TRIQK: variants seen among roughly 807,000 people sequenced by gnomAD.
TRIQK encodes the protein triple QxxK/R motif-containing protein.
Under a neutral mutation model 10.8 loss-of-function variants are expected in TRIQK, and 10 were observed. That is an observed-to-expected ratio of 0.92 (90% confidence interval 0.57 to 1.57). TRIQK has a LOEUF of 1.57. TRIQK is among the 40% of genes most tolerant of loss of function. TRIQK has a pLI of 0.00. For missense variants in TRIQK, 107 were observed against 97.7 expected (o/e 1.09, Z -0.40); for synonymous variants, 33 against 33.7 (o/e 0.98, Z 0.07).
rs749450819 is a variant in TRIQK, at chr8:92,885,026, G to A, written c.*1596C>T. The A allele has an allele frequency of 1.3e-5, 6 of 455,880 alleles. No homozygotes were observed. Among genetic ancestry groups the A allele is most frequent in the South Asian group, 9.3e-5 (6 of 64,534 alleles). 28.2% of individuals were successfully genotyped at this position (455,880 alleles called of 1,614,324 possible). On this transcript the variant is annotated 3_prime_UTR_variant, in exon 5 of 5. Coordinates refer to ENST00000521988, the MANE Select transcript of TRIQK (RefSeq NM_001171797.2). ...AATGCCACTTGGATTGGTCCGCTGT[G>A]GTGAGTATATAAGAACTCTTGGTCT...
chr8:92,966,202 C>T (rs1812742390), upstream of TRIQK: 1 of 152,302 alleles, frequency 6.6e-6, no homozygotes, highest in Non-Finnish European at 1.5e-5. Context: ...GATTGGTCGG[C>T]CTTTCTCCCG....
intron 1 of TRIQK, among the ~76,000 whole-genome samples, chr8:92,990,895 G>A (rs1015259122): frequency 7.9e-5 from 12 of 152,242 alleles, no homozygotes; most frequent in African/African-American, 2.9e-4. Flanking sequence ...GAATGACAGC[G>A]AGACAGAACC....
At chr8:92,890,228 C>T (rs1399816666) in intron 4 of TRIQK, among the ~76,000 whole-genome samples, 2 of 151,632 alleles carry the variant, frequency 1.3e-5, no homozygotes, top group Non-Finnish European at 3.0e-5. Flanking sequence ...TGTAAAACAC[C>T]TTCAAGGTTC....
chr8:92,953,087 C>T (rs1811992942), intron 2 of TRIQK, among the ~76,000 whole-genome samples: 1 of 152,018 alleles, frequency 6.6e-6, no homozygotes, highest in South Asian at 2.1e-4. Context: ...ATAAGTACAA[C>T]ATAGTCTGAT....
chr8:92,966,340 G>GTTTA (rs550565974), upstream of TRIQK, among the ~76,000 whole-genome samples: 14 of 152,298 alleles, frequency 9.2e-5, no homozygotes, highest in African/African-American at 3.1e-4. Flanking sequence ...ACTGTGACTT[G>GTTTA]TTTAGTTAAT....
At chr8:92,988,763 C>A (rs924371305) in intron 1 of TRIQK, among the ~76,000 whole-genome samples, 1 of 152,104 alleles carries the variant, frequency 6.6e-6, no homozygotes, top group African/African-American at 2.4e-5. Context: ...TAACAATTAG[C>A]AAATTTTGTT....
intron 4 of TRIQK, among the ~76,000 whole-genome samples, chr8:92,887,224 T>C (rs1816530427): frequency 6.6e-6 from 1 of 151,458 alleles, no homozygotes; most frequent in Admixed American, 6.6e-5. Context: ...GTCTCTAGAT[T>C]ATATATAGAT....
chr8:92,943,375 G>A (rs566592544), intron 2 of TRIQK, among the ~76,000 whole-genome samples: 1 of 152,122 alleles, frequency 6.6e-6, no homozygotes, highest in South Asian at 2.1e-4. Context: ...AAGCAATTTT[G>A]AGCAAAAAAG....
At chr8:92,956,963 A>G (rs1261654416) in intron 1 of TRIQK, among the ~76,000 whole-genome samples, 1 of 151,872 alleles carries the variant, frequency 6.6e-6, no homozygotes, top group Non-Finnish European at 1.5e-5. Context: ...TGGTAAGCAC[A>G]TCACATACCA....
At chr8:92,963,379 T>C (rs1462513332) in intron 1 of TRIQK, 4 of 151,466 alleles carry the variant, frequency 2.6e-5, no homozygotes, top group East Asian at 1.9e-4. Context: ...TATATGAATA[T>C]AGAAATCAGG....
intron 3 of TRIQK, among the ~76,000 whole-genome samples, chr8:92,895,673 A>T (rs1482961807): frequency 6.6e-6 from 1 of 152,168 alleles, no homozygotes; most frequent in Non-Finnish European, 1.5e-5. Flanking sequence ...CTTGTTATAA[A>T]TTGGCAAAGA....
At chr8:92,961,944 CA>C (rs1283411688) in intron 1 of TRIQK, among the ~76,000 whole-genome samples, 1 of 152,050 alleles carries the variant, frequency 6.6e-6, no homozygotes, top group East Asian at 1.9e-4. Flanking sequence ...CCTTTTGAGT[CA>C]AAAAAACTGT....
chr8:92,991,062 T>TG (rs1190044161), intron 1 of TRIQK, among the ~76,000 whole-genome samples: 1 of 151,852 alleles, frequency 6.6e-6, no homozygotes, highest in African/African-American at 2.4e-5. Context: ...TCTGGCTTGG[T>TG]GGGGGGAGGG....
At chr8:92,901,455 A>C (rs1489676322) in intron 3 of TRIQK, among the ~76,000 whole-genome samples, 1 of 152,112 alleles carries the variant, frequency 6.6e-6, no homozygotes, top group African/African-American at 2.4e-5. Flanking sequence ...TTTTATCATG[A>C]AGGATGTTAA....
chr8:92,902,334 T>G (rs1045770961), intron 3 of TRIQK, among the ~76,000 whole-genome samples: 4 of 152,282 alleles, frequency 2.6e-5, no homozygotes, highest in Admixed American at 2.0e-4. Flanking sequence ...AGTTCTTCCC[T>G]GTGTGGCTTT....
intron 3 of TRIQK, among the ~76,000 whole-genome samples, chr8:92,896,006 G>A (rs979033014): frequency 6.6e-6 from 1 of 152,258 alleles, no homozygotes; most frequent in Admixed American, 6.5e-5. Context: ...GAGAGAAGGG[G>A]ACCAGGTGCT....
At chr8:92,943,648 T>TC (rs1275416180) in intron 2 of TRIQK, among the ~76,000 whole-genome samples, 2 of 152,174 alleles carry the variant, frequency 1.3e-5, no homozygotes, top group African/African-American at 4.8e-5. Flanking sequence ...TAGATTCCTG[T>TC]CTCTTGCTAT....
At chr8:92,986,861 T>C (rs1001623320) in intron 1 of TRIQK, among the ~76,000 whole-genome samples, 1 of 152,144 alleles carries the variant, frequency 6.6e-6, no homozygotes, top group African/African-American at 2.4e-5. Flanking sequence ...GGGTGCCATC[T>C]AAGGATGATA....
At chr8:92,914,906 G>A (rs551646357) in intron 3 of TRIQK, among the ~76,000 whole-genome samples, 104 of 152,102 alleles carry the variant, frequency 6.8e-4, no homozygotes, top group South Asian at 1.2e-3. Flanking sequence ...ACATTTTAGA[G>A]ATACCATGTT....
Sources: gnomAD v4.1 joint callset for allele counts (sites outside exome capture counted in the v4.1 genomes callset) on GRCh38, gnomAD v4.1.1 for gene constraint, MANE v1.5 for transcripts, NCBI Gene and HGNC (gene_info 2026-07-23, HGNC 2026-07-21) for gene names.